Variants in C6orf132 observed in about 807,000 individuals in gnomAD.
C6orf132 encodes the protein uncharacterized protein C6orf132.
A neutral mutation model predicts 65.3 loss-of-function variants in C6orf132; 43 were observed. The observed-to-expected ratio is 0.66, with a 90% CI of 0.52 to 0.85. The LOEUF (loss-of-function observed/expected upper bound fraction) is 0.85. C6orf132 is among the 40% of genes least tolerant of loss of function. C6orf132 has a pLI of 0.00. For missense variants in C6orf132, 1,488 were observed against 1,548.8 expected (o/e 0.96, Z 0.66); for synonymous variants, 631 against 654.1 (o/e 0.96, Z 0.54).
intron 1 of C6orf132, among the ~76,000 whole-genome samples, chr6:42,129,724 G>T (rs1293569217): frequency 6.6e-6 from 1 of 152,198 alleles, no homozygotes; most frequent in Non-Finnish European, 1.5e-5. Context: ...GGCAGGGATC[G>T]CTGTGGCCCT....
chr6:42,109,672 G>A (rs114174593), intron 3 of C6orf132, among the ~76,000 whole-genome samples: 3,026 of 152,196 alleles, frequency 0.02, 116 homozygotes, highest in African/African-American at 0.069. Flanking sequence ...CAAGCAAAGT[G>A]GCCAGACTCC....
At chr6:42,115,515 A>G (rs537517150) in intron 2 of C6orf132, among the ~76,000 whole-genome samples, 27 of 151,590 alleles carry the variant, frequency 1.8e-4, no homozygotes, top group Non-Finnish European at 2.4e-4. Context: ...GCATGGTGGC[A>G]GGCGCCTGTA....
intron 1 of C6orf132, among the ~76,000 whole-genome samples, chr6:42,141,106 G>A (rs140635498): frequency 1.4e-3 from 211 of 152,286 alleles, no homozygotes; most frequent in African/African-American, 4.3e-3. Flanking sequence ...AATGGCATAT[G>A]GTTAGTTCTG....
intron 2 of C6orf132, among the ~76,000 whole-genome samples, chr6:42,118,551 AG>A (rs1172515150): frequency 6.6e-6 from 1 of 152,204 alleles, no homozygotes; most frequent in East Asian, 1.9e-4. Flanking sequence ...CCACATCGAA[AG>A]GGGCAGACCA....
rs556142891 is a variant in C6orf132, at chr6:42,117,923, C to CAAAAAAAAAAAA, written c.253-7644_253-7633dup. ...TGAGTGACAGAGCAAAACCCTGTCA[C>CAAAAAAAAAAAA]AAAAAAAAAAAAAAAAAAAAAAAAA... is the stretch of plus-strand genomic sequence containing the variant. On this transcript the variant is annotated intron_variant, in intron 2 of 4. Transcript: ENST00000341865. Among the ~76,000 whole-genome samples the CAAAAAAAAAAAA allele has an allele frequency of 2.7e-3, 169 of 62,342 alleles. 3 individuals carry two copies. The highest frequency in any genetic ancestry group is 7.2e-3 in the African/African-American group (120 of 16,756). The allele number at this position is 62,342 out of a possible 152,430, so 40.9% of individuals were successfully genotyped here. A position where few individuals can be genotyped will look rare whatever the true frequency, so the allele number is the denominator to read the frequency against.
chr6:42,104,582 C>G lies in C6orf132; in HGVS notation c.3330G>C (p.Ala1110=). The part of the protein sequence containing the change: ...EMRRVNSAGR[A]PPGGLHAPRL... ...TCGGCGCGTGCAGGCCTCCGGGGGG[C>G]GCGCGACCCGCCGAGTTCACGCGCC... Residue 1110 remains alanine (A), a synonymous_variant, in exon 4 of 5, where the codon GCG becomes GCC. Transcript: ENST00000341865. This position sits in a 1 kb window ranked among gnomAD's most constrained non-coding sequence, Gnocchi z 4.1. 1 of 1,323,762 alleles carries G rather than the reference C, an allele frequency of 7.6e-7. No individual in the cohort carries two copies. Among genetic ancestry groups the G allele is most frequent in the Non-Finnish European group, 9.6e-7 (1 of 1,041,668 alleles). The allele number at this position is 1,323,762 out of a possible 1,614,324, so 82.0% of individuals were successfully genotyped here. A position where few individuals can be genotyped will look rare whatever the true frequency, so the allele number is the denominator to read the frequency against.
At chr6:42,132,243 C>T (rs1408513130) in intron 1 of C6orf132, among the ~76,000 whole-genome samples, 3 of 152,076 alleles carry the variant, frequency 2.0e-5, no homozygotes, top group Admixed American at 6.5e-5. Context: ...GGGCTGGGTG[C>T]GGGGGCTCAC....
In C6orf132 at chr6:42,106,880, G is replaced by A. The variant is rs1270724451; in HGVS notation, c.1032C>T (p.Phe344=). ...APSRLPLPPS[F]HIRPASQVYP... is the part of the protein sequence containing the mutation. ...AGACCTGGGAGGCGGGGCGGATGTG[G>A]AAGCTGGGAGGCAGTGGGAGTCGGC... Residue 344 remains phenylalanine, a synonymous_variant, in exon 4 of 5, where the codon TTC becomes TTT. Transcript: ENST00000341865. The A allele has an allele frequency of 6.5e-7, 1 of 1,535,690 alleles. No homozygotes were observed. The highest frequency in any genetic ancestry group is 1.2e-5 in the South Asian group (1 of 84,006).
intron 4 of C6orf132, 54 bp from the exon 5 acceptor site, chr6:42,103,932 GTC>G: frequency 8.4e-7 from 1 of 1,190,930 alleles, no homozygotes. Context: ...TAGCCAACAC[GTC>G]TCTCATCTCC....
chr6:42,120,360 T>C (rs60015220), intron 2 of C6orf132, among the ~76,000 whole-genome samples: 3 of 149,414 alleles, frequency 2.0e-5, no homozygotes, highest in South Asian at 2.2e-4. Context: ...CATTCTCCTG[T>C]CTCAGCCTCC....
At chr6:42,115,360 T>C (rs544740609) in intron 2 of C6orf132, among the ~76,000 whole-genome samples, 1 of 149,872 alleles carries the variant, frequency 6.7e-6, no homozygotes, top group Non-Finnish European at 1.5e-5. Context: ...TTAAAATGGT[T>C]AAAAGGCCGG....
chr6:42,121,688 G>A (rs570446506), intron 2 of C6orf132, among the ~76,000 whole-genome samples: 4 of 152,372 alleles, frequency 2.6e-5, no homozygotes, highest in African/African-American at 9.6e-5. Flanking sequence ...ACGCATCGTG[G>A]AATGCAAACT....
intron 1 of C6orf132, among the ~76,000 whole-genome samples, chr6:42,140,113 G>A (rs1340342805): frequency 6.6e-6 from 1 of 152,266 alleles, no homozygotes; most frequent in Non-Finnish European, 1.5e-5. Context: ...GTTCTGCTGG[G>A]TGCATGATGT....
In C6orf132 at chr6:42,142,289, G is replaced by A. The variant is rs1370877511; in HGVS notation, c.145+11C>T. 6.5e-7 allele frequency: 1 copy of A among 1,548,874 alleles called. No homozygotes were observed. Among genetic ancestry groups the A allele is most frequent in the African/African-American group, 1.4e-5 (1 of 72,972 alleles). ...CCCCGCCCCAGCGCCCTCCGTCCCC[G>A]GAGTACTCACCGAAGCCCCCGGTCC... On this transcript the variant is annotated intron_variant, in intron 1 of 4. Transcript: ENST00000341865.
rs1277336196 is a variant in C6orf132 at position 42,105,540 on chromosome 6, CTG to C, written c.2370_2371del (p.Gly792ArgfsTer29). ...CTCCCCTGGCCCTGCAGCCCCTCCT[CTG>C]GCCAGGGTGGGCATCACCACAGCAA... On this transcript the variant is annotated frameshift_variant, in exon 4 of 5. Coordinates refer to ENST00000341865, the MANE Select transcript of C6orf132 (RefSeq NM_001164446.3). LOFTEE classifies it high-confidence loss of function. The C allele has an allele frequency of 6.5e-7, 1 of 1,534,666 alleles. No individual in the cohort carries two copies. The highest frequency in any genetic ancestry group is 1.2e-5 in the South Asian group (1 of 84,030).
intron 1 of C6orf132, among the ~76,000 whole-genome samples, chr6:42,140,311 C>T (rs1321229752): frequency 1.3e-5 from 2 of 152,244 alleles, no homozygotes; most frequent in African/African-American, 4.8e-5. Context: ...CCACTAGCAG[C>T]CTGCACAGCC....
chr6:42,120,387 C>G (rs903110125), intron 2 of C6orf132, among the ~76,000 whole-genome samples: 2 of 151,468 alleles, frequency 1.3e-5, no homozygotes, highest in African/African-American at 4.8e-5. Context: ...GCTGGGACTA[C>G]AGGCACCCAC....
intron 3 of C6orf132, among the ~76,000 whole-genome samples, chr6:42,108,088 A>G (rs1431757575): frequency 1.3e-5 from 2 of 152,188 alleles, no homozygotes; most frequent in South Asian, 2.1e-4. Flanking sequence ...ACACTCTGGT[A>G]TACTGTCCCT....
chr6:42,105,978 G>T lies in C6orf132; in HGVS notation c.1934C>A (p.Ala645Asp), dbSNP rs1171819701. The stretch of plus-strand genomic sequence containing the variant: ...GGGTGGTATGGCTGGCTCAGGTGTG[G>T]CCTTGGGTGGTATGGCTGGTCCCAA... Reference protein sequence around the residue: ...AMLGPAIPPKATPEPAIPPKA... With the variant: ...AMLGPAIPPKDTPEPAIPPKA... Residue 645 changes from alanine (A) to aspartate (D), a missense_variant, in exon 4 of 5, where the codon GCC becomes GAC. By Grantham distance (126) the Ala-to-Asp change is moderately radical. Transcript: ENST00000341865. 1.3e-6 allele frequency: 2 copies of T among 1,537,228 alleles called. No individual in the cohort carries two copies. Among genetic ancestry groups the T allele is most frequent in the Non-Finnish European group, 1.7e-6 (2 of 1,146,898 alleles).
Sources: gnomAD v4.1 joint callset for allele counts (sites outside exome capture counted in the v4.1 genomes callset) on GRCh38, gnomAD v4.1.1 for gene constraint, Gnocchi (gnomAD v3.1) non-coding constraint, MANE v1.5 for transcripts, NCBI Gene and HGNC (gene_info 2026-07-23, HGNC 2026-07-21) for gene names.